The following PPP2R5C variants were observed in gnomAD, a reference collection of about 807,000 sequenced individuals.
PPP2R5C encodes the protein protein phosphatase 2 regulatory subunit B'gamma, also known as serine/threonine-protein phosphatase 2A 56 kDa regulatory subunit gamma isoform.
A neutral mutation model predicts 68.9 loss-of-function variants in PPP2R5C; 7 were observed. The observed-to-expected ratio is 0.10, with a 90% CI of 0.06 to 0.19. The LOEUF (loss-of-function observed/expected upper bound fraction) is 0.19, where lower values mean the gene tolerates loss of function less well. Among genes scored for constraint, PPP2R5C ranks in the 10% least tolerant of loss-of-function variants. The pLI is 1.00. For missense variants in PPP2R5C, 348 were observed against 641.3 expected (o/e 0.54, Z 4.94); for synonymous variants, 210 against 222.2 (o/e 0.95, Z 0.49).
At chr14:101,819,217 G>A (rs2039900245) in intron 1 of PPP2R5C, 2 of 751,304 alleles carry the variant, frequency 2.7e-6, no homozygotes, top group African/African-American at 1.8e-5. Context: ...TCTCAAAGGG[G>A]GGTAGCACTT....
At chr14:101,921,796 C>T (rs1397012423) in intron 13 of PPP2R5C, among the ~76,000 whole-genome samples, 2 of 152,124 alleles carry the variant, frequency 1.3e-5, no homozygotes, top group African/African-American at 4.8e-5. Context: ...GGCTCTGATG[C>T]TGATGGATGG....
At chr14:101,769,305 C>T (rs1052091628) in intron 2 of PPP2R5C, among the ~76,000 whole-genome samples, 1 of 152,210 alleles carries the variant, frequency 6.6e-6, no homozygotes, top group Admixed American at 6.5e-5. Context: ...ACCTTCGTTC[C>T]CCTGTGACTT....
chr14:101,900,326 T>C (rs888524430), intron 8 of PPP2R5C, among the ~76,000 whole-genome samples: 3 of 152,248 alleles, frequency 2.0e-5, no homozygotes, highest in African/African-American at 7.2e-5. Flanking sequence ...AAAAAATCAC[T>C]GTAATGACTA....
At position 101,899,019 on chromosome 14, in the gene PPP2R5C, G is replaced by A. The variant is rs541451360; in HGVS notation, c.853-2700G>A. ...GAAGCCATCAAATGTCCAGGCTCAG[G>A]AATGTTTAAAGTAAGATCCACTTAG... On this transcript the variant is annotated intron_variant, in intron 8 of 13. Transcript: ENST00000334743. The surrounding 1 kb of genome is among the most constrained non-coding windows in gnomAD (Gnocchi z 4.2). Among the ~76,000 whole-genome samples the A allele has an allele frequency of 1.3e-5, 2 of 152,326 alleles. No individual in the cohort carries two copies. Among genetic ancestry groups the A allele is most frequent in the African/African-American group, 4.8e-5 (2 of 41,570 alleles).
chr14:101,848,127 GA>G (rs1262771185), intron 1 of PPP2R5C, among the ~76,000 whole-genome samples: 1 of 152,058 alleles, frequency 6.6e-6, no homozygotes, highest in East Asian at 1.9e-4. Flanking sequence ...TATATAAATA[GA>G]AAAAAATTAG....
intron 13 of PPP2R5C, chr14:101,921,901 A>G (rs1292874764): frequency 1.2e-6 from 1 of 837,184 alleles, no homozygotes; most frequent in Non-Finnish European, 1.4e-6. Context: ...TATACAGAAC[A>G]TTCAAAGAAA....
exon 14 of PPP2R5C, chr14:101,927,948 A>G (rs1261592928): frequency 3.3e-5 from 5 of 152,218 alleles, no homozygotes; most frequent in South Asian, 2.1e-4. Flanking sequence ...GGTGTATCAT[A>G]TGGACTAAAT....
Position 101,915,293 on chromosome 14 carries a change from G to A in PPP2R5C, c.1327-2538G>A, listed in dbSNP as rs551351130. On this transcript the variant is annotated intron_variant, in intron 12 of 13. Coordinates refer to ENST00000334743, the Ensembl canonical transcript of PPP2R5C. The surrounding 1 kb of genome is among the most constrained non-coding windows in gnomAD (Gnocchi z 4.2). ...GACGGGGTTTCACTATGTTGGCCAG[G>A]CTGGTCTCGAACTCCTGACCTTGTG... Among the ~76,000 whole-genome samples the A allele has an allele frequency of 3.3e-5, 5 of 152,240 alleles. No individual in the cohort carries two copies. In the South Asian group the frequency reaches 8.3e-4, roughly 25 times the overall value.
At chr14:101,761,457 G>C (rs998427080), upstream of PPP2R5C, among the ~76,000 whole-genome samples, 6 of 150,828 alleles carry the variant, frequency 4.0e-5, no homozygotes, top group African/African-American at 1.5e-4. Flanking sequence ...GCAGCGACTC[G>C]GGACGGAGGG....
intron 3 of PPP2R5C, among the ~76,000 whole-genome samples, chr14:101,788,274 C>T (rs2038211652): frequency 6.6e-6 from 1 of 152,198 alleles, no homozygotes; most frequent in South Asian, 2.1e-4. Context: ...TGGGTGTGTA[C>T]TGCTGCTGAA....
At chr14:101,783,817 A>G (rs1390651614) in intron 2 of PPP2R5C, among the ~76,000 whole-genome samples, 1 of 152,196 alleles carries the variant, frequency 6.6e-6, no homozygotes, top group Non-Finnish European at 1.5e-5. Flanking sequence ...GATGGAGAAC[A>G]TTATCTACTG....
rs1300886154 is a variant in PPP2R5C, at chr14:101,917,525, G to T, written c.1327-306G>T. ...CCAGGGTGCGACCTCGCACTTGGCTGCTCACGTGGAGTCAGAACTGCAGAG... is the reference window on the plus strand; with the variant it reads ...CCAGGGTGCGACCTCGCACTTGGCTTCTCACGTGGAGTCAGAACTGCAGAG... On this transcript the variant is annotated intron_variant, in intron 12 of 13. Coordinates refer to ENST00000334743, the Ensembl canonical transcript of PPP2R5C. This position sits in a 1 kb window ranked among gnomAD's most constrained non-coding sequence, Gnocchi z 4.4. Among the ~76,000 whole-genome samples, 1 of 152,106 alleles carries T rather than the reference G, an allele frequency of 6.6e-6. No individual in the cohort carries two copies. Among genetic ancestry groups the T allele is most frequent in the East Asian group, 1.9e-4 (1 of 5,190 alleles).
chr14:101,800,458 G>A (rs2038811381), intron 3 of PPP2R5C, among the ~76,000 whole-genome samples: 1 of 152,126 alleles, frequency 6.6e-6, no homozygotes, highest in East Asian at 1.9e-4. Flanking sequence ...AGCTACTCAG[G>A]AGGCTGAAGC....
chr14:101,906,567 T>G lies in PPP2R5C; in HGVS notation c.1151+38T>G. ...TGGCTGCCATCTTTTTCAGTCATTT[T>G]AAAATATGGCACGTTTTACTGCTAC... On this transcript the variant is annotated intron_variant, in intron 10 of 13. Coordinates refer to ENST00000334743, the Ensembl canonical transcript of PPP2R5C. The surrounding 1 kb of genome is among the most constrained non-coding windows in gnomAD (Gnocchi z 4.0). 2 of 1,569,472 alleles carry G rather than the reference T, an allele frequency of 1.3e-6. No homozygotes were observed. The highest frequency in any genetic ancestry group is 1.7e-6 in the Non-Finnish European group (2 of 1,159,520).
In PPP2R5C at chr14:101,894,066, A is replaced by G. The variant is rs1243046426; in HGVS notation, c.799-441A>G. Among the ~76,000 whole-genome samples the G allele has an allele frequency of 3.9e-5, 6 of 152,358 alleles. No homozygotes were observed. The East Asian group carries it at 5.8e-4, about 15-fold the overall frequency. On this transcript the variant is annotated intron_variant, in intron 7 of 13. Transcript: ENST00000334743. ...TTCTTTAATTGATTCTTCCTAGAAC[A>G]TATTTATTTTCTCTGACTGCTCTTA...
chr14:101,836,330 T>G lies in PPP2R5C; in HGVS notation c.95-20356T>G, dbSNP rs542304707. On this transcript the variant is annotated intron_variant, in intron 1 of 13. Transcript: ENST00000334743. ...TGCCAGCCTTCTCCCCTGCCCTTCT[T>G]CCTCTACTCCCGACCTGCCAGCCTT... is the stretch of plus-strand genomic sequence containing the variant. 9.3e-5 allele frequency: 65 copies of G among 702,080 alleles called. 1 individual carries two copies. In the East Asian group the frequency reaches 1.6e-3, roughly 18 times the overall value. 43.5% of individuals were successfully genotyped at this position (702,080 alleles called of 1,614,324 possible). A position where few individuals can be genotyped will look rare whatever the true frequency, so the allele number is the denominator to read the frequency against.
intron 3 of PPP2R5C, chr14:101,796,460 G>A (rs1168601884): frequency 6.6e-6 from 1 of 152,390 alleles, no homozygotes; most frequent in Middle Eastern, 3.2e-3. Context: ...CAGAGCAAGG[G>A]GAAGGTGTTC....
intron 11 of PPP2R5C, among the ~76,000 whole-genome samples, chr14:101,911,904 A>G (rs1218965863): frequency 6.6e-6 from 1 of 151,044 alleles, no homozygotes; most frequent in Non-Finnish European, 1.5e-5. Flanking sequence ...AAAAACTTGG[A>G]TCTGAGTTAA....
chr14:101,803,434 T>A (rs1841171952), intron 3 of PPP2R5C: 1 of 152,142 alleles, frequency 6.6e-6, no homozygotes, highest in South Asian at 2.1e-4. Flanking sequence ...TAAAGAAATC[T>A]AAGACCTTGG....
Sources: gnomAD v4.1 joint callset for allele counts (sites outside exome capture counted in the v4.1 genomes callset) on GRCh38, gnomAD v4.1.1 for gene constraint, Gnocchi (gnomAD v3.1) non-coding constraint, MANE v1.5 for transcripts, NCBI Gene and HGNC (gene_info 2026-07-23, HGNC 2026-07-21) for gene names.